GUCY1A2: variants seen among roughly 807,000 people sequenced by gnomAD.
GUCY1A2 encodes the protein guanylate cyclase soluble subunit alpha-2.
A neutral mutation model predicts 63.5 loss-of-function variants in GUCY1A2; 27 were observed. The ratio of observed to expected loss-of-function variants is 0.43; its 90% CI spans 0.31 to 0.59. The LOEUF is 0.59. GUCY1A2 is among the 20% of genes least tolerant of loss of function. The pLI is 0.11. For missense variants in GUCY1A2, 768 were observed against 913.3 expected (o/e 0.84, Z 2.05); for synonymous variants, 364 against 343.5 (o/e 1.06, Z -0.66).
intron 4 of GUCY1A2, among the ~76,000 whole-genome samples, chr11:106,872,663 A>G (rs1859695650): frequency 6.6e-6 from 1 of 152,236 alleles, no homozygotes; most frequent in Non-Finnish European, 1.5e-5. Flanking sequence ...AGCAGTACTC[A>G]AAAGTGTAAT....
intron 4 of GUCY1A2, among the ~76,000 whole-genome samples, chr11:106,840,654 C>T (rs919861021): frequency 3.3e-5 from 5 of 151,850 alleles, no homozygotes; most frequent in Admixed American, 2.0e-4. Flanking sequence ...TAATTATTCA[C>T]ATAATTCTGT....
chr11:106,890,569 T>A (rs1291539079), intron 4 of GUCY1A2, among the ~76,000 whole-genome samples: 1 of 152,204 alleles, frequency 6.6e-6, no homozygotes, highest in Non-Finnish European at 1.5e-5. Flanking sequence ...TGACGGTTCA[T>A]GACCTTAACC....
chr11:107,000,311 C>T (rs1861596438), intron 1 of GUCY1A2, among the ~76,000 whole-genome samples: 1 of 152,196 alleles, frequency 6.6e-6, no homozygotes, highest in Non-Finnish European at 1.5e-5. Context: ...AATCTCTCTT[C>T]TCCAACTTCC....
At position 107,010,468 on chromosome 11, in the gene GUCY1A2, T is replaced by C. The variant is rs112265585; in HGVS notation, c.303+7285A>G. On this transcript the variant is annotated intron_variant, in intron 1 of 7. Coordinates refer to ENST00000526355, the MANE Select transcript of GUCY1A2 (RefSeq NM_000855.3). ...TTAAAATATTATATAAATGGACGAC[T>C]CAAAGAGTCCAAGGAGGAGGATACT... 2.1e-3 allele frequency among the ~76,000 whole-genome samples: 326 copies of C among 152,278 alleles called. 1 individual carries two copies. The highest frequency in any genetic ancestry group is 7.7e-3 in the African/African-American group (318 of 41,550).
intron 3 of GUCY1A2, among the ~76,000 whole-genome samples, chr11:106,952,404 T>C (rs568506255): frequency 4.5e-4 from 69 of 152,106 alleles, no homozygotes; most frequent in African/African-American, 1.5e-3. Flanking sequence ...TTATGTCTTC[T>C]CTTATTTCCT....
intron 1 of GUCY1A2, among the ~76,000 whole-genome samples, chr11:107,016,590 ATT>A (rs1261146811): frequency 1.3e-5 from 2 of 152,250 alleles, no homozygotes; most frequent in Non-Finnish European, 2.9e-5. Context: ...TTGGAGAGGC[ATT>A]TATTCATTCC....
In GUCY1A2 at chr11:106,752,359, T is replaced by TA. The variant is rs1457941757; in HGVS notation, c.1836+24079_1836+24080insT. 2.6e-5 allele frequency among the ~76,000 whole-genome samples: 4 copies of TA among 152,312 alleles called. No homozygotes were observed. In the East Asian group the frequency reaches 7.7e-4, roughly 29 times the overall value. On this transcript the variant is annotated intron_variant, in intron 6 of 7. Transcript: ENST00000526355. Reference sequence around the variant, plus strand: ...CCATATTATGGTTCAAAAAGGTTTATTCAATAGAATATAGTTTTATTATAC... The same window carrying TA: ...CCATATTATGGTTCAAAAAGGTTTATATCAATAGAATATAGTTTTATTATAC...
intron 6 of GUCY1A2, among the ~76,000 whole-genome samples, chr11:106,709,292 T>TA: frequency 2.0e-5 from 1 of 50,494 alleles, no homozygotes; most frequent in South Asian, 5.9e-4. Context: ...TTTATATATA[T>TA]TTATATTTTT....
chr11:106,959,368 C>T (rs1184623412), intron 3 of GUCY1A2, among the ~76,000 whole-genome samples: 2 of 152,126 alleles, frequency 1.3e-5, no homozygotes, highest in Admixed American at 1.3e-4. Flanking sequence ...GTAACAGAGC[C>T]ATATTCATTT....
intron 6 of GUCY1A2, among the ~76,000 whole-genome samples, chr11:106,723,050 T>C (rs1863346353): frequency 1.3e-5 from 2 of 152,222 alleles, no homozygotes. Flanking sequence ...TGATATATTT[T>C]ATTATGATAC....
At chr11:106,887,381 A>G (rs185864006) in intron 4 of GUCY1A2, among the ~76,000 whole-genome samples, 7 of 152,270 alleles carry the variant, frequency 4.6e-5, no homozygotes, top group Admixed American at 3.3e-4. Flanking sequence ...CTGTTGTCAG[A>G]GTTTCTTGAC....
chr11:106,799,981 C>T (rs1295497878), intron 5 of GUCY1A2, among the ~76,000 whole-genome samples: 4 of 152,094 alleles, frequency 2.6e-5, no homozygotes, highest in African/African-American at 9.7e-5. Context: ...AAAATTTTTG[C>T]AATTTACTCA....
chr11:106,846,895 A>G lies in GUCY1A2; in HGVS notation c.1207-36417T>C, dbSNP rs145306436. On this transcript the variant is annotated intron_variant, in intron 4 of 7. Coordinates refer to ENST00000526355, the MANE Select transcript of GUCY1A2 (RefSeq NM_000855.3). Reference sequence around the variant, plus strand: ...CAGGGGAAAAGGTTATTAAACTTCAATATTAAATTAAAAATTCTATAGGCA... The same window carrying G: ...CAGGGGAAAAGGTTATTAAACTTCAGTATTAAATTAAAAATTCTATAGGCA... 5.3e-5 allele frequency among the ~76,000 whole-genome samples: 8 copies of G among 151,600 alleles called. No homozygotes were observed. In the East Asian group the frequency reaches 1.6e-3, roughly 29 times the overall value.
At chr11:106,742,296 G>A (rs1455050985) in intron 6 of GUCY1A2, among the ~76,000 whole-genome samples, 1 of 152,042 alleles carries the variant, frequency 6.6e-6, no homozygotes. Context: ...TAGATATTAA[G>A]CCCAGTATCT....
intron 1 of GUCY1A2, among the ~76,000 whole-genome samples, chr11:107,003,675 C>CA (rs1233175319): frequency 1.3e-5 from 2 of 152,160 alleles, no homozygotes; most frequent in Non-Finnish European, 2.9e-5. Context: ...TTACTAAATT[C>CA]AAAATATCCA....
chr11:106,775,636 C>G (rs1246689418), intron 6 of GUCY1A2, among the ~76,000 whole-genome samples: 2 of 152,114 alleles, frequency 1.3e-5, no homozygotes, highest in Non-Finnish European at 2.9e-5. Context: ...TGTCCCCAAT[C>G]TGCTATAATG....
At chr11:106,966,691 T>C (rs956701830) in intron 3 of GUCY1A2, among the ~76,000 whole-genome samples, 1 of 152,168 alleles carries the variant, frequency 6.6e-6, no homozygotes, top group African/African-American at 2.4e-5. Context: ...TATAACAATA[T>C]ACTAGTCCAG....
chr11:106,932,627 G>C (rs895580852), intron 4 of GUCY1A2, among the ~76,000 whole-genome samples: 1 of 151,918 alleles, frequency 6.6e-6, no homozygotes. Context: ...CTATTCTAAA[G>C]TTCATATGGA....
At chr11:106,864,707 T>C (rs1388616179) in intron 4 of GUCY1A2, among the ~76,000 whole-genome samples, 1 of 152,166 alleles carries the variant, frequency 6.6e-6, no homozygotes, top group Non-Finnish European at 1.5e-5. Flanking sequence ...GTTTATGTGA[T>C]GGATTACCTT....
Sources: allele counts gnomAD v4.1 joint callset (sites outside exome capture counted in the v4.1 genomes callset), GRCh38; gene constraint gnomAD v4.1.1; transcripts MANE v1.5; gene names NCBI Gene and HGNC (gene_info 2026-07-23, HGNC 2026-07-21).